MACROD2: variants seen among roughly 807,000 people sequenced by gnomAD.
MACROD2 encodes the protein ADP-ribose glycohydrolase MACROD2.
A neutral mutation model predicts 70.4 loss-of-function variants in MACROD2; 36 were observed. That is an observed-to-expected ratio of 0.51 (90% confidence interval 0.39 to 0.68). The LOEUF is 0.68. MACROD2 is among the 30% of genes least tolerant of loss of function. The pLI, the probability that MACROD2 is intolerant of heterozygous loss-of-function variation, is 0.00. For missense variants in MACROD2, 496 were observed against 538.4 expected (o/e 0.92, Z 0.78); for synonymous variants, 172 against 178.8 (o/e 0.96, Z 0.30).
At chr20:14,484,804 G>T (rs1479768815) in intron 3 of MACROD2, among the ~76,000 whole-genome samples, 2 of 152,132 alleles carry the variant, frequency 1.3e-5, no homozygotes, top group African/African-American at 4.8e-5. Context: ...CTACTCCATT[G>T]TGTAGCTGTA....
chr20:15,872,774 GA>G (rs1568609713), intron 9 of MACROD2, among the ~76,000 whole-genome samples: 1 of 151,898 alleles, frequency 6.6e-6, no homozygotes, highest in African/African-American at 2.4e-5. Context: ...TAAGCAAAAA[GA>G]AAAAAATACA....
chr20:15,713,404 A>G (rs2146920172), intron 8 of MACROD2, among the ~76,000 whole-genome samples: 1 of 152,290 alleles, frequency 6.6e-6, no homozygotes, highest in South Asian at 2.1e-4. Context: ...TGGGTAATTT[A>G]TAAGAAAAAG....
At chr20:14,315,042 A>G (rs1010777477) in intron 3 of MACROD2, among the ~76,000 whole-genome samples, 5 of 152,178 alleles carry the variant, frequency 3.3e-5, no homozygotes, top group African/African-American at 1.2e-4. Context: ...TGAATTGTAT[A>G]TATAATTTAA....
At position 14,108,296 on chromosome 20, in the gene MACROD2, A is replaced by G. The variant is rs1041358197; in HGVS notation, c.271+22568A>G. Among the ~76,000 whole-genome samples, 4 of 152,216 alleles carry G rather than the reference A, an allele frequency of 2.6e-5. No homozygotes were observed. In the South Asian group the frequency reaches 8.3e-4, roughly 32 times the overall value. On this transcript the variant is annotated intron_variant, in intron 3 of 17. Coordinates refer to ENST00000684519, the MANE Select transcript of MACROD2 (RefSeq NM_001351661.2). ...AAAAAGCAAGAAATTAAATCATGCT[A>G]TCAGATAAAATCACTTTCACTAAGA...
intron 5 of MACROD2, among the ~76,000 whole-genome samples, chr20:14,709,591 A>G (rs1025382655): frequency 6.6e-6 from 1 of 152,196 alleles, no homozygotes; most frequent in African/African-American, 2.4e-5. Context: ...CAAAAAAGGC[A>G]TATTGTTCAT....
At chr20:14,164,148 G>A (rs2055231339) in intron 3 of MACROD2, among the ~76,000 whole-genome samples, 1 of 151,960 alleles carries the variant, frequency 6.6e-6, no homozygotes, top group Admixed American at 6.6e-5. Context: ...GGTTGGATAG[G>A]GCACTTGGCT....
intron 3 of MACROD2, among the ~76,000 whole-genome samples, chr20:14,374,042 C>T (rs1012759840): frequency 1.3e-5 from 2 of 152,000 alleles, no homozygotes; most frequent in Non-Finnish European, 2.9e-5. Flanking sequence ...CTTTGCATGA[C>T]ATTATTTACT....
chr20:14,997,882 C>T (rs2074963528), intron 5 of MACROD2, among the ~76,000 whole-genome samples: 1 of 152,174 alleles, frequency 6.6e-6, no homozygotes, highest in South Asian at 2.1e-4. Flanking sequence ...ATCCCAATTC[C>T]AGGCAGTTCA....
intron 6 of MACROD2, among the ~76,000 whole-genome samples, chr20:15,243,679 G>T (rs1483782554): frequency 1.3e-5 from 2 of 152,146 alleles, no homozygotes; most frequent in Admixed American, 1.3e-4. Context: ...ACTTTGGGAG[G>T]CCGAGGCGGG....
At chr20:14,477,848 A>G (rs1461534387) in intron 3 of MACROD2, among the ~76,000 whole-genome samples, 4 of 152,168 alleles carry the variant, frequency 2.6e-5, no homozygotes, top group African/African-American at 7.2e-5. Context: ...TACTTTTCTT[A>G]TTGCACTGGA....
At chr20:14,182,499 A>G (rs1442969453) in intron 3 of MACROD2, among the ~76,000 whole-genome samples, 2 of 152,104 alleles carry the variant, frequency 1.3e-5, no homozygotes, top group African/African-American at 4.8e-5. Context: ...CAATTTATCT[A>G]TTTTTAAGTG....
intron 6 of MACROD2, among the ~76,000 whole-genome samples, chr20:15,320,298 T>G (rs2077860822): frequency 1.3e-5 from 2 of 152,186 alleles, no homozygotes; most frequent in South Asian, 4.1e-4. Context: ...GAATTCCCTT[T>G]GGGGTGACAA....
chr20:15,500,967 A>G (rs1321886030), intron 8 of MACROD2, among the ~76,000 whole-genome samples: 1 of 152,198 alleles, frequency 6.6e-6, no homozygotes, highest in African/African-American at 2.4e-5. Flanking sequence ...CATGTCTTTG[A>G]CACATTTTAT....
intron 8 of MACROD2, among the ~76,000 whole-genome samples, chr20:15,851,513 C>G (rs1436001873): frequency 6.6e-6 from 1 of 152,094 alleles, no homozygotes; most frequent in African/African-American, 2.4e-5. Flanking sequence ...TCCAAACCTC[C>G]TCTTCTGATG....
chr20:15,938,235 A>C (rs551013243), intron 12 of MACROD2, among the ~76,000 whole-genome samples: 1 of 152,304 alleles, frequency 6.6e-6, no homozygotes, highest in South Asian at 2.1e-4. Context: ...AAGTCCCCAG[A>C]TGGAAAAGTA....
rs1387165440 is a variant in MACROD2 at position 14,444,871 on chromosome 20, G to A, written c.272-48608G>A. Among the ~76,000 whole-genome samples the A allele has an allele frequency of 2.0e-5, 3 of 151,642 alleles. No homozygotes were observed. In the East Asian group the frequency reaches 5.8e-4, roughly 29 times the overall value. On this transcript the variant is annotated intron_variant, in intron 3 of 17. Transcript: ENST00000684519. ...TATGTGTGTGTGTGTATGTGTTTGT[G>A]TTCCATATATATATGTAGAGAGAGA...
At chr20:15,696,940 C>T (rs2050385311) in intron 8 of MACROD2, among the ~76,000 whole-genome samples, 1 of 151,992 alleles carries the variant, frequency 6.6e-6, no homozygotes, top group African/African-American at 2.4e-5. Context: ...TGGATTTTCT[C>T]TCTTCTTTTC....
chr20:14,395,910 T>G (rs915165577), intron 3 of MACROD2, among the ~76,000 whole-genome samples: 3 of 152,210 alleles, frequency 2.0e-5, no homozygotes, highest in Admixed American at 6.6e-5. Context: ...CTTTCTGTCA[T>G]GGATTTTTTA....
intron 4 of MACROD2, among the ~76,000 whole-genome samples, chr20:14,679,834 A>T (rs1600531304): frequency 6.6e-6 from 1 of 152,324 alleles, no homozygotes; most frequent in African/African-American, 2.4e-5. Flanking sequence ...CTATAATGAA[A>T]GACTAACATG....
Sources: allele counts gnomAD v4.1 joint callset (sites outside exome capture counted in the v4.1 genomes callset), GRCh38; gene constraint gnomAD v4.1.1; transcripts MANE v1.5; gene names NCBI Gene and HGNC (gene_info 2026-07-23, HGNC 2026-07-21).